Variants in EPB41L2 observed in about 807,000 individuals in gnomAD.
The protein encoded by EPB41L2 is band 4.1-like protein 2.
EPB41L2 carries 43 observed loss-of-function variants against 113.0 expected under a neutral mutation model. The ratio of observed to expected loss-of-function variants is 0.38; its 90% CI spans 0.30 to 0.49. EPB41L2 has a LOEUF of 0.49. Among genes scored for constraint, EPB41L2 ranks in the 20% least tolerant of loss-of-function variants. The pLI, the probability that EPB41L2 is intolerant of heterozygous loss-of-function variation, is 0.95. For missense variants in EPB41L2, 1,147 were observed against 1,223.4 expected (o/e 0.94, Z 0.93); for synonymous variants, 442 against 436.7 (o/e 1.01, Z -0.15).
At chr6:130,922,753 G>A (rs1430342190) in intron 4 of EPB41L2, among the ~76,000 whole-genome samples, 1 of 151,970 alleles carries the variant, frequency 6.6e-6, no homozygotes. Flanking sequence ...ATATTTGCAA[G>A]GTAAAAGCCA....
intron 14 of EPB41L2, among the ~76,000 whole-genome samples, chr6:130,870,851 A>G (rs1785398928): frequency 6.6e-6 from 1 of 152,246 alleles, no homozygotes. Flanking sequence ...TAATTGGCAA[A>G]ATTATAGTTA....
chr6:130,908,163 C>T (rs150589702), intron 5 of EPB41L2, among the ~76,000 whole-genome samples: 76 of 152,250 alleles, frequency 5.0e-4, no homozygotes, highest in African/African-American at 1.7e-3. Flanking sequence ...AGAGGCAGAA[C>T]GTATAGAGAG....
At chr6:131,033,767 T>C (rs555801442) in intron 1 of EPB41L2, among the ~76,000 whole-genome samples, 1 of 152,288 alleles carries the variant, frequency 6.6e-6, no homozygotes, top group Admixed American at 6.5e-5. Context: ...AAATAAAAGT[T>C]ACCTGGGGCT....
intron 1 of EPB41L2, among the ~76,000 whole-genome samples, chr6:130,978,186 T>A (rs1778594454): frequency 6.6e-6 from 1 of 152,192 alleles, no homozygotes; most frequent in Non-Finnish European, 1.5e-5. Context: ...CACAAAGCTT[T>A]TATCAAAAAA....
intron 16 of EPB41L2, among the ~76,000 whole-genome samples, chr6:130,866,500 A>G (rs1398757440): frequency 6.6e-6 from 1 of 152,232 alleles, no homozygotes; most frequent in African/African-American, 2.4e-5. Context: ...TTATCACAGC[A>G]CAGACACATC....
At chr6:130,914,846 C>T (rs1166896889) in intron 4 of EPB41L2, among the ~76,000 whole-genome samples, 2 of 152,184 alleles carry the variant, frequency 1.3e-5, no homozygotes, top group Non-Finnish European at 2.9e-5. Flanking sequence ...TTTCTCCTCT[C>T]CATTCCCTAA....
At chr6:130,913,857 G>A (rs1800155703) in intron 4 of EPB41L2, among the ~76,000 whole-genome samples, 1 of 152,050 alleles carries the variant, frequency 6.6e-6, no homozygotes, top group Non-Finnish European at 1.5e-5. Context: ...AAGGAGGAGG[G>A]TTGAGCAGAC....
chr6:130,924,489 C>T (rs769603936), intron 4 of EPB41L2, among the ~76,000 whole-genome samples: 5 of 152,124 alleles, frequency 3.3e-5, no homozygotes, highest in Non-Finnish European at 5.9e-5. Flanking sequence ...AACGATTCTC[C>T]TGCCTCAGCA....
intron 1 of EPB41L2, among the ~76,000 whole-genome samples, chr6:130,988,906 T>C (rs1391437964): frequency 6.6e-6 from 1 of 152,120 alleles, no homozygotes; most frequent in Non-Finnish European, 1.5e-5. Context: ...CTAGCCAACA[T>C]GGTGAAACCC....
chr6:130,959,906 C>T (rs1165764207), intron 1 of EPB41L2, among the ~76,000 whole-genome samples: 1 of 152,182 alleles, frequency 6.6e-6, no homozygotes, highest in South Asian at 2.1e-4. Context: ...GGGAACCAAT[C>T]AACTAAGGCT....
intron 13 of EPB41L2, among the ~76,000 whole-genome samples, chr6:130,879,041 A>G (rs1300220407): frequency 6.6e-6 from 1 of 152,178 alleles, no homozygotes; most frequent in African/African-American, 2.4e-5. Context: ...GATAAATGGT[A>G]TTTGTGGAAT....
At chr6:131,031,762 A>C (rs2128751175) in intron 1 of EPB41L2, among the ~76,000 whole-genome samples, 1 of 152,330 alleles carries the variant, frequency 6.6e-6, no homozygotes, top group South Asian at 2.1e-4. Context: ...TATGTTTTCT[A>C]TCTCAACCTT....
At chr6:131,005,049 G>A (rs891744450) in intron 1 of EPB41L2, among the ~76,000 whole-genome samples, 2 of 152,144 alleles carry the variant, frequency 1.3e-5, no homozygotes, top group Admixed American at 6.5e-5. Context: ...CAAAGGCAAA[G>A]GCAAAAACAC....
At chr6:131,006,434 G>A (rs1213125964) in intron 1 of EPB41L2, among the ~76,000 whole-genome samples, 1 of 151,566 alleles carries the variant, frequency 6.6e-6, no homozygotes, top group Admixed American at 6.6e-5. Flanking sequence ...GGCCGAGGCA[G>A]GCAGATCATT....
intron 1 of EPB41L2, among the ~76,000 whole-genome samples, chr6:131,045,749 A>G (rs1454161423): frequency 6.6e-6 from 1 of 152,204 alleles, no homozygotes; most frequent in African/African-American, 2.4e-5. Flanking sequence ...TGAAATCTGT[A>G]TATCTGATAA....
At chr6:130,997,680 A>AC (rs1783462887) in intron 1 of EPB41L2, among the ~76,000 whole-genome samples, 1 of 152,198 alleles carries the variant, frequency 6.6e-6, no homozygotes, top group African/African-American at 2.4e-5. Context: ...CAAAGGAGTG[A>AC]CAAAGGCACT....
intron 1 of EPB41L2, among the ~76,000 whole-genome samples, chr6:130,982,614 A>G (rs983179848): frequency 6.6e-6 from 1 of 152,210 alleles, no homozygotes; most frequent in African/African-American, 2.4e-5. Context: ...AAAGAACTCA[A>G]TATTCCAAGA....
intron 1 of EPB41L2, among the ~76,000 whole-genome samples, chr6:131,016,692 C>T (rs1788295141): frequency 6.6e-6 from 1 of 152,072 alleles, no homozygotes; most frequent in African/African-American, 2.4e-5. Flanking sequence ...TGCCTGTAAT[C>T]CCAGCTACTC....
intron 3 of EPB41L2, among the ~76,000 whole-genome samples, chr6:130,927,244 C>T (rs529061198): frequency 1.3e-5 from 2 of 152,074 alleles, no homozygotes; most frequent in African/African-American, 4.8e-5. Context: ...ATATGGTGTT[C>T]GCTCCTTGGG....
Sources: gnomAD v4.1 joint callset for allele counts (sites outside exome capture counted in the v4.1 genomes callset) on GRCh38, gnomAD v4.1.1 for gene constraint, MANE v1.5 for transcripts, NCBI Gene and HGNC (gene_info 2026-07-23, HGNC 2026-07-21) for gene names.